PARP3: variants seen among roughly 807,000 people sequenced by gnomAD.
PARP3 encodes the protein protein mono-ADP-ribosyltransferase PARP3.
In PARP3, 46 loss-of-function variants were observed where a neutral mutation model predicts 58.2. That is an observed-to-expected ratio of 0.79 (90% CI 0.62 to 1.01). The LOEUF is 1.01. PARP3 is among the 50% of genes least tolerant of loss of function. PARP3 has a pLI of 0.00. For missense variants in PARP3, 663 were observed against 683.9 expected (o/e 0.97, Z 0.34); for synonymous variants, 252 against 266.4 (o/e 0.95, Z 0.53).
chr3:51,944,999 T>C lies in PARP3; in HGVS notation c.636T>C (p.Asp212=). Residue 212 remains aspartate, a splice_region_variant and synonymous_variant, in exon 6 of 11, where the codon GAT becomes GAC. Coordinates refer to ENST00000398755, the MANE Select transcript of PARP3 (RefSeq NM_001003931.4). The surrounding 1 kb of genome is among the most constrained non-coding windows in gnomAD (Gnocchi z 4.2). ...FKNTMALMDL[D]VKKMPLGKLS... ...CTCCCCACTCCCCTGTCCCCCTAGA[T>C]GTGAAGAAGATGCCCCTGGGAAAGC... 1 of 1,613,536 alleles carries C rather than the reference T, an allele frequency of 6.2e-7. No individual in the cohort carries two copies. The highest frequency in any genetic ancestry group is 2.2e-5 in the East Asian group (1 of 44,840).
rs185608335 is a variant in PARP3 at position 51,943,688 on chromosome 3, A to G, written c.183+150A>G. ...AGGCCATGTTCTCCTGACCCCAGAC[A>G]TCAGGGCTGTGTCCCGTCAGGTCCA... On this transcript the variant is annotated intron_variant, in intron 2 of 10. Transcript: ENST00000398755. The G allele has an allele frequency of 6.5e-4, 493 of 761,676 alleles. 3 individuals are homozygous for G. The African/African-American group carries it at 7.1e-3, about 11-fold the overall frequency. The allele number at this position is 761,676 out of a possible 1,614,324, so 47.2% of individuals were successfully genotyped here.
At position 51,943,518 on chromosome 3, in the gene PARP3, A is replaced by G; in HGVS notation, c.163A>G (p.Ser55Gly). ...IIRVDPTCPL[S>G]SNPGTQVYED... ...CCGCGTGGATCCAACATGTCCACTC[A>G]GCAGCAACCCCGGGACCCAGGTGAG... Residue 55 changes from serine (S) to glycine (G), a missense_variant, in exon 2 of 11, where the codon AGC (serine) becomes GGC (glycine). Physicochemically the swap from Ser to Gly is moderately conservative, Grantham distance 56. Transcript: ENST00000398755. The G allele has an allele frequency of 6.2e-7, 1 of 1,610,574 alleles. No individual in the cohort carries two copies. The highest frequency in any genetic ancestry group is 2.2e-5 in the East Asian group (1 of 44,768).
At chr3:51,943,263 G>T (rs1699586056) in intron 1 of PARP3, 91 bp from the exon 2 acceptor site, 5 of 1,321,732 alleles carry the variant, frequency 3.8e-6, no homozygotes, top group Non-Finnish European at 5.1e-6. Context: ...TTGGTGCTGT[G>T]CTGGCCCAGG....
rs1303628737 is a variant in PARP3 at position 51,947,813 on chromosome 3, C to G, written c.1350C>G (p.His450Gln). ...GTGAGGTGGCCCTGGGCAGAGAGCA[C>G]CATATCAACACGGACAACCCCAGCT... The part of the protein sequence containing the change: ...FLGEVALGRE[H>Q]HINTDNPSLK... The change falls in exon 10 of 11, where the codon CAC (histidine) becomes CAG (glutamine). Residue 450 changes from histidine (H) to glutamine (Q), a missense_variant. Around this residue, in one of 3 missense-constraint regions of PARP3, gnomAD observed 88 missense variants for 109.1 expected, o/e 0.81. Transcript: ENST00000398755. The G allele has an allele frequency of 2.5e-6, 4 of 1,613,996 alleles. No individual in the cohort carries two copies. Among genetic ancestry groups the G allele is most frequent in the Non-Finnish European group, 2.5e-6 (3 of 1,180,014 alleles).
intron 2 of PARP3, among the ~76,000 whole-genome samples, 178 bp downstream of exon 2, chr3:51,943,716 C>T (rs770404336): frequency 1.2e-4 from 18 of 152,142 alleles, no homozygotes; most frequent in Non-Finnish European, 1.9e-4. Flanking sequence ...CAGGTCCAGG[C>T]GGGTCACATC....
intron 6 of PARP3, 107 bp downstream of exon 6, chr3:51,945,331 TG>T: frequency 7.3e-7 from 1 of 1,377,810 alleles, no homozygotes; most frequent in East Asian, 2.5e-5. Flanking sequence ...ATGGACTGCC[TG>T]GGCAGGCTGA....
chr3:51,945,169 A>G lies in PARP3; in HGVS notation c.806A>G (p.Gln269Arg), dbSNP rs323870. 8.4e-3 allele frequency: 13,630 copies of G among 1,614,016 alleles called. 1,030 individuals are homozygous for G. In the African/African-American group the frequency reaches 0.16, roughly 19 times the overall value. ...TVIPHNFGHS[Q>R]PPPINSPELL... The stretch of plus-strand genomic sequence containing the variant: ...ATCCCGCACAACTTCGGCCACAGCC[A>G]GCCCCCGCCCATCAATTCCCCTGAG... The change falls in exon 6 of 11, where the codon CAG (glutamine) becomes CGG (arginine). Residue 269 changes from glutamine (Q) to arginine (R), a missense_variant. Physicochemically the swap from Gln to Arg is conservative, Grantham distance 43. Transcript: ENST00000398755.
chr3:51,944,217 G>A lies in PARP3; in HGVS notation c.312G>A (p.Val104=). 1 of 1,614,000 alleles carries A rather than the reference G, an allele frequency of 6.2e-7. No homozygotes were observed. The highest frequency in any genetic ancestry group is 8.5e-7 in the Non-Finnish European group (1 of 1,180,000). ...FFTCWNRWGR[V]GEVGQSKINH... ...CCTGCTGGAACCGCTGGGGCCGTGT[G>A]GTGAGTGCCCTGCCTGCTCTGCACA... Residue 104 remains valine, a splice_region_variant and synonymous_variant, in exon 3 of 11, where the codon GTG becomes GTA. Coordinates refer to ENST00000398755, the MANE Select transcript of PARP3 (RefSeq NM_001003931.4). The surrounding 1 kb of genome is among the most constrained non-coding windows in gnomAD (Gnocchi z 4.2).
Position 51,942,658 on chromosome 3 carries a change from A to C in PARP3, c.-53A>C. 1 of 1,357,758 alleles carries C rather than the reference A, an allele frequency of 7.4e-7. No homozygotes were observed. Among genetic ancestry groups the C allele is most frequent in the Non-Finnish European group, 1.0e-6 (1 of 966,110 alleles). The allele number at this position is 1,357,758 out of a possible 1,614,324, so 84.1% of individuals were successfully genotyped here. Reference sequence around the variant, plus strand: ...TGGGACTGCCCTGGGAGGCGCACACAACCAGGCCGGGTGGCAGCCAGGACC... The same window carrying C: ...TGGGACTGCCCTGGGAGGCGCACACCACCAGGCCGGGTGGCAGCCAGGACC... On this transcript the variant is annotated 5_prime_UTR_variant, in exon 1 of 11. Transcript: ENST00000398755.
In PARP3 at chr3:51,944,763, G is replaced by A; in HGVS notation, c.502-15G>A. 2 of 1,602,376 alleles carry A rather than the reference G, an allele frequency of 1.2e-6. No homozygotes were observed. Among genetic ancestry groups the A allele is most frequent in the Non-Finnish European group, 1.7e-6 (2 of 1,174,460 alleles). Reference sequence around the variant, plus strand: ...TGCCCCGCTGCTCCTGCCCACATGTGCCCTCTATCTTCAGGTGGACAGAGG... The same window carrying A: ...TGCCCCGCTGCTCCTGCCCACATGTACCCTCTATCTTCAGGTGGACAGAGG... On this transcript the variant is annotated splice_polypyrimidine_tract_variant and intron_variant, in intron 4 of 10. Transcript: ENST00000398755. The surrounding 1 kb of genome is among the most constrained non-coding windows in gnomAD (Gnocchi z 4.2).
Position 51,945,201 on chromosome 3 carries a change from C to G in PARP3, c.838C>G (p.Gln280Glu). The G allele has an allele frequency of 6.2e-7, 1 of 1,613,874 alleles. No individual in the cohort carries two copies. Among genetic ancestry groups the G allele is most frequent in the Non-Finnish European group, 8.5e-7 (1 of 1,179,998 alleles). The change falls in exon 6 of 11, where the codon CAG becomes GAG. Residue 280 changes from glutamine to glutamate, a missense_variant. Gln to Glu is a conservative substitution (Grantham distance 29). Transcript: ENST00000398755. ...GCCCATCAATTCCCCTGAGCTTCTG[C>G]AGGCCAAGAAGGACATGCTGCTGGT... ...PPPINSPELL[Q>E]AKKDMLLVLA...
chr3:51,942,605 C>T lies in PARP3; in HGVS notation c.-106C>T, dbSNP rs1022078626. The T allele has an allele frequency of 6.4e-6, 5 of 781,174 alleles. No individual in the cohort carries two copies. The highest frequency in any genetic ancestry group is 1.7e-5 in the African/African-American group (1 of 58,474). 48.4% of individuals were successfully genotyped at this position (781,174 alleles called of 1,614,324 possible). A position where few individuals can be genotyped will look rare whatever the true frequency, so the allele number is the denominator to read the frequency against. The stretch of plus-strand genomic sequence containing the variant: ...TTGGGAATTCTCTCCCTAATTCACG[C>T]CTGAGGCTCATGGAGAGTTGCTAGA... On this transcript the variant is annotated 5_prime_UTR_variant, in exon 1 of 11. Coordinates refer to ENST00000398755, the MANE Select transcript of PARP3 (RefSeq NM_001003931.4).
At position 51,944,707 on chromosome 3, in the gene PARP3, G is replaced by A; in HGVS notation, c.502-71G>A. The A allele has an allele frequency of 1.3e-6, 2 of 1,574,264 alleles. No homozygotes were observed. Among genetic ancestry groups the A allele is most frequent in the South Asian group, 2.3e-5 (2 of 85,898 alleles). Reference sequence around the variant, plus strand: ...GCCACAGAACTCCCCTCTGGCCTCAGGCTGGCTGGTCTCTGTCTGGTGTCA... The same window carrying A: ...GCCACAGAACTCCCCTCTGGCCTCAAGCTGGCTGGTCTCTGTCTGGTGTCA... On this transcript the variant is annotated intron_variant, in intron 4 of 10. Coordinates refer to ENST00000398755, the MANE Select transcript of PARP3 (RefSeq NM_001003931.4). The surrounding 1 kb of genome is among the most constrained non-coding windows in gnomAD (Gnocchi z 4.2).
rs1699656345 is a variant in PARP3 at position 51,945,548 on chromosome 3, G to A, written c.915G>A (p.Glu305=). 1 of 1,613,924 alleles carries A rather than the reference G, an allele frequency of 6.2e-7. No individual in the cohort carries two copies. The highest frequency in any genetic ancestry group is 8.5e-7 in the Non-Finnish European group (1 of 1,180,008). The change falls in exon 7 of 11, where the codon GAG becomes GAA. Residue 305 remains glutamate, a synonymous_variant. Coordinates refer to ENST00000398755, the MANE Select transcript of PARP3 (RefSeq NM_001003931.4). ...AQALQAVSEQ[E]KTVEEVPHPL... ...CCCTGCAGGCAGTCTCTGAGCAGGA[G>A]AAGACGGTGGAGGAGGTGCCACACC...
rs374239491 is a variant in PARP3, at chr3:51,948,355, G to A, written c.1477G>A (p.Val493Met). The A allele has an allele frequency of 6.8e-6, 11 of 1,613,872 alleles. No individual in the cohort carries two copies. The African/African-American group carries it at 1.1e-4, about 16-fold the overall frequency. Residue 493 changes from valine to methionine, a missense_variant, in exon 11 of 11, where the codon GTG (valine) becomes ATG (methionine). Physicochemically the swap from Val to Met is conservative, Grantham distance 21. Around this residue, in one of 3 missense-constraint regions of PARP3, gnomAD observed 88 missense variants for 109.1 expected, o/e 0.81. Coordinates refer to ENST00000398755, the MANE Select transcript of PARP3 (RefSeq NM_001003931.4). ...GTTGGAGCTGGATGGCCAGCAAGTG[G>A]TGGTGCCCCAGGGCCAGCCTGTGCC... ...TELELDGQQVVVPQGQPVPCP... is the reference protein window; with the variant it reads ...TELELDGQQVMVPQGQPVPCP...
At position 51,945,607 on chromosome 3, in the gene PARP3, A is replaced by G; in HGVS notation, c.974A>G (p.Gln325Arg). 6.2e-7 allele frequency: 1 copy of G among 1,613,928 alleles called. No individual in the cohort carries two copies. Among genetic ancestry groups the G allele is most frequent in the Non-Finnish European group, 8.5e-7 (1 of 1,179,992 alleles). ...CGAGACTACCAGCTTCTCAAGTGCC[A>G]GCTGCAGCTGCTAGACTCTGGAGCA... ...LDRDYQLLKC[Q>R]LQLLDSGAPE... The change falls in exon 7 of 11, where the codon CAG becomes CGG. Residue 325 changes from glutamine (Q) to arginine (R), a missense_variant. By Grantham distance (43) the Gln-to-Arg change is conservative. Transcript: ENST00000398755.
rs1381945841 is a variant in PARP3, at chr3:51,947,881, G to T, written c.1418G>T (p.Gly473Val). 6.2e-7 allele frequency: 1 copy of T among 1,613,774 alleles called. No homozygotes were observed. Among genetic ancestry groups the T allele is most frequent in the Non-Finnish European group, 8.5e-7 (1 of 1,180,028 alleles). ...GGCTTCGACAGTGTCATTGCCCGAG[G>T]CCACACCGAGCCTGGTGAGTCCTCA... is the stretch of plus-strand genomic sequence containing the variant. The part of the protein sequence containing the change: ...PPGFDSVIAR[G>V]HTEPDPTQDT... The change falls in exon 10 of 11, where the codon GGC (glycine) becomes GTC (valine). Residue 473 changes from glycine to valine, a missense_variant. Gly to Val is a moderately radical substitution (Grantham distance 109). Coordinates refer to ENST00000398755, the MANE Select transcript of PARP3 (RefSeq NM_001003931.4).
chr3:51,948,173 A>C (rs777667869), intron 10 of PARP3, 138 bp from the exon 11 acceptor site: 42 of 885,576 alleles, frequency 4.7e-5, no homozygotes, highest in Admixed American at 1.0e-4. Context: ...CAGCCCCTGC[A>C]GTGGTTTGGA....
Position 51,945,881 on chromosome 3 carries a change from G to A in PARP3, c.1040G>A (p.Gly347Asp), listed in dbSNP as rs1421632188. 3.1e-6 allele frequency: 5 copies of A among 1,613,964 alleles called. No individual in the cohort carries two copies. The highest frequency in any genetic ancestry group is 1.3e-5 in the African/African-American group (1 of 74,894). Residue 347 changes from glycine (G) to aspartate (D), a missense_variant, in exon 8 of 11, where the codon GGC (glycine) becomes GAC (aspartate). Coordinates refer to ENST00000398755, the MANE Select transcript of PARP3 (RefSeq NM_001003931.4). ...KVIQTYLEQT[G>D]SNHRCPTLQH... ...ATACAGACCTACTTAGAACAGACTG[G>A]CAGCAACCACAGGTGCCCTACACTT... is the stretch of plus-strand genomic sequence containing the variant.
Sources: gnomAD v4.1 joint callset for allele counts (sites outside exome capture counted in the v4.1 genomes callset) on GRCh38, gnomAD v4.1.1 for gene constraint, gnomAD v4.1.1 regional missense constraint, Gnocchi (gnomAD v3.1) non-coding constraint, MANE v1.5 for transcripts, NCBI Gene and HGNC (gene_info 2026-07-23, HGNC 2026-07-21) for gene names.